Variants in CDC42SE2 observed in about 807,000 individuals in gnomAD.
CDC42SE2 encodes the protein CDC42 small effector protein 2.
In CDC42SE2, 3 loss-of-function variants were observed where a neutral mutation model predicts 11.5. The ratio of observed to expected loss-of-function variants is 0.26; its 90% confidence interval spans 0.12 to 0.67. The LOEUF (loss-of-function observed/expected upper bound fraction) is 0.67, where lower values mean the gene tolerates loss of function less well. Among genes scored for constraint, CDC42SE2 ranks in the 30% least tolerant of loss-of-function variants. CDC42SE2 has a pLI of 0.80. For synonymous variants in CDC42SE2, 33 were observed against 34.8 expected (o/e 0.95, Z 0.18); for missense variants, 82 against 106.8 (o/e 0.77, Z 1.02).
At chr5:131,234,233 G>T in the CDC42SE2 span, among the ~76,000 whole-genome samples, 1 of 152,194 alleles carries the variant, frequency 6.6e-6, no homozygotes, top group African/African-American at 2.4e-5. Flanking sequence ...TTGCAAATCA[G>T]ATAGGTAAAG....
At chr5:131,210,137 T>C in the CDC42SE2 span, among the ~76,000 whole-genome samples, 1 of 152,236 alleles carries the variant, frequency 6.6e-6, no homozygotes, top group Admixed American at 6.5e-5. Context: ...CAGATGCTGG[T>C]GTCATGCTTG....
intron 1 of CDC42SE2, among the ~76,000 whole-genome samples, chr5:131,291,143 G>A (rs927826548): frequency 6.6e-6 from 1 of 152,074 alleles, no homozygotes; most frequent in Non-Finnish European, 1.5e-5. Context: ...ATGCTATTTG[G>A]TTAGCCATGT....
intron 3 of CDC42SE2, among the ~76,000 whole-genome samples, chr5:131,368,844 A>C (rs1749935513): frequency 1.3e-5 from 2 of 152,216 alleles, no homozygotes. Context: ...CTAAAAGATA[A>C]GGACTCTTAT....
intron 2 of CDC42SE2, among the ~76,000 whole-genome samples, chr5:131,351,578 G>A (rs1271542424): frequency 1.3e-5 from 2 of 152,172 alleles, no homozygotes; most frequent in Non-Finnish European, 2.9e-5. Context: ...CAATAAAGGT[G>A]CTAAATTAAT....
At chr5:131,275,017 C>G (rs1028288388) in intron 1 of CDC42SE2, among the ~76,000 whole-genome samples, 1 of 151,904 alleles carries the variant, frequency 6.6e-6, no homozygotes, top group African/African-American at 2.4e-5. Flanking sequence ...TAAGTAGAAA[C>G]AAATTTAGAT....
At chr5:131,251,657 T>C (rs1016139333) in intron 1 of CDC42SE2, among the ~76,000 whole-genome samples, 2 of 152,188 alleles carry the variant, frequency 1.3e-5, no homozygotes, top group African/African-American at 4.8e-5. Flanking sequence ...GAATCCCATA[T>C]GTGTGCAATT....
At chr5:131,316,400 C>T (rs995846031) in intron 2 of CDC42SE2, among the ~76,000 whole-genome samples, 9 of 152,148 alleles carry the variant, frequency 5.9e-5, no homozygotes, top group Admixed American at 3.3e-4. Flanking sequence ...TTCTTCAGTC[C>T]GAGGCCTGAA....
intron 1 of CDC42SE2, among the ~76,000 whole-genome samples, chr5:131,307,280 T>C: frequency 2.1e-5 from 3 of 139,934 alleles, no homozygotes; most frequent in South Asian, 2.3e-4. Flanking sequence ...TGTGATCTCA[T>C]TGTTCAGTTC....
upstream of CDC42SE2, among the ~76,000 whole-genome samples, chr5:131,260,781 A>G (rs544308924): frequency 6.1e-4 from 93 of 152,268 alleles, 1 homozygote; most frequent in South Asian, 0.019. Context: ...TAAAAATAGA[A>G]AAATTAGCCG....
chr5:131,311,307 G>A (rs1247191079), intron 1 of CDC42SE2, among the ~76,000 whole-genome samples: 2 of 151,944 alleles, frequency 1.3e-5, no homozygotes, highest in African/African-American at 4.8e-5. Context: ...TCTGCCGAGA[G>A]ATCCGCTGTT....
rs1171017600 is a variant in CDC42SE2, at chr5:131,394,247, T to C, written c.*3156T>C. 1 of 152,370 alleles carries C rather than the reference T, an allele frequency of 6.6e-6. No homozygotes were observed. The highest frequency in any genetic ancestry group is 2.4e-5 in the African/African-American group (1 of 41,464). 9.4% of individuals were successfully genotyped at this position (152,370 alleles called of 1,614,324 possible). ...CTAACAAATGTTAAGCAAGGGAAAC[T>C]GAAGACTTAGTCATGTGGATTGTTA... On this transcript the variant is annotated 3_prime_UTR_variant, in exon 5 of 5. Transcript: ENST00000505065.
chr5:131,369,827 G>C (rs779265241), intron 3 of CDC42SE2, among the ~76,000 whole-genome samples: 60 of 152,294 alleles, frequency 3.9e-4, no homozygotes, highest in Middle Eastern at 3.4e-3. Context: ...AATTATTTCA[G>C]AGTACAGAAA....
intron 3 of CDC42SE2, among the ~76,000 whole-genome samples, chr5:131,378,957 T>C (rs1318146642): frequency 6.6e-6 from 1 of 152,236 alleles, no homozygotes; most frequent in Admixed American, 6.5e-5. Context: ...TGAGCCTCAC[T>C]GTGTTTCCCT....
At chr5:131,231,719 G>A in the CDC42SE2 span, among the ~76,000 whole-genome samples, 1 of 151,816 alleles carries the variant, frequency 6.6e-6, no homozygotes, top group South Asian at 2.1e-4. Context: ...CTTCCTTTTT[G>A]CCTTCTGTTG....
At chr5:131,333,963 C>G (rs113881959) in intron 2 of CDC42SE2, among the ~76,000 whole-genome samples, 251 of 152,276 alleles carry the variant, frequency 1.6e-3, no homozygotes, top group African/African-American at 5.7e-3. Context: ...ATTCCCTTCT[C>G]CTGCCTGATT....
intron 1 of CDC42SE2, among the ~76,000 whole-genome samples, chr5:131,296,019 A>G (rs749059253): frequency 1.3e-5 from 2 of 152,158 alleles, no homozygotes; most frequent in African/African-American, 2.4e-5. Flanking sequence ...TACTATGGGT[A>G]TGTACTATCT....
intron 2 of CDC42SE2, among the ~76,000 whole-genome samples, chr5:131,319,907 T>G (rs1435394709): frequency 6.6e-6 from 1 of 151,054 alleles, no homozygotes; most frequent in Non-Finnish European, 1.5e-5. Context: ...AAAAATTAGC[T>G]GGGCGTGGTG....
intron 3 of CDC42SE2, among the ~76,000 whole-genome samples, chr5:131,379,678 T>G (rs1248719451): frequency 1.3e-5 from 2 of 152,120 alleles, no homozygotes; most frequent in African/African-American, 4.8e-5. Flanking sequence ...AACATAGCAG[T>G]TCATTTGGGT....
chr5:131,340,741 G>A lies in CDC42SE2; in HGVS notation c.-285-18468G>A, dbSNP rs532989869. Among the ~76,000 whole-genome samples, 5 of 151,434 alleles carry A rather than the reference G, an allele frequency of 3.3e-5. No homozygotes were observed. In the South Asian group the frequency reaches 8.4e-4, roughly 25 times the overall value. On this transcript the variant is annotated intron_variant, in intron 2 of 4. Transcript: ENST00000505065. ...ACTCTGTCATCCAGGCTGGAGTGCA[G>A]TGGCATGATCTTAGTCCATTGCAGC...
Sources: allele counts gnomAD v4.1 joint callset (sites outside exome capture counted in the v4.1 genomes callset), GRCh38; gene constraint gnomAD v4.1.1; transcripts MANE v1.5; gene names NCBI Gene and HGNC (gene_info 2026-07-23, HGNC 2026-07-21).